Variants in PACRGL observed in about 807,000 individuals in gnomAD.
PACRGL encodes parkin coregulated like.
A neutral mutation model predicts 34.5 loss-of-function variants in PACRGL; 38 were observed. The ratio of observed to expected loss-of-function variants is 1.10; its 90% confidence interval spans 0.85 to 1.44. PACRGL has a LOEUF of 1.44. Among genes scored for constraint, PACRGL ranks in the 40% most tolerant of loss-of-function variants. The pLI is 0.00. For missense variants in PACRGL, 305 were observed against 281.4 expected, an observed-to-expected ratio of 1.08 and a Z score of -0.60; for synonymous variants, 128 against 100.1, an observed-to-expected ratio of 1.28 and a Z score of -1.66.
At chr4:20,712,726 T>C in intron 5 of PACRGL, 62 bp from the exon 6 acceptor site, 2 of 1,319,526 alleles carry the variant, frequency 1.5e-6, no homozygotes, top group Admixed American at 3.0e-5. Context: ...AAAGACTCAA[T>C]TTTTCTGTTA....
At chr4:20,746,210 A>C (rs1164899912) in intron 8 of PACRGL, among the ~76,000 whole-genome samples, 1 of 152,192 alleles carries the variant, frequency 6.6e-6, no homozygotes, top group Non-Finnish European at 1.5e-5. Context: ...AAAAAGGATG[A>C]GTTCATGTCC....
Position 20,728,105 on chromosome 4 carries a change from T to C in PACRGL, c.*764T>C, listed in dbSNP as rs1455424144. 1 of 152,196 alleles carries C rather than the reference T, an allele frequency of 6.6e-6. No individual in the cohort carries two copies. Among genetic ancestry groups the C allele is most frequent in the African/African-American group, 2.4e-5 (1 of 41,446 alleles). The allele number at this position is 152,196 out of a possible 1,614,324, so 9.4% of individuals were successfully genotyped here. The stretch of plus-strand genomic sequence containing the variant: ...CCTGGCCCCATGAATACACTACTAA[T>C]ATTATTTGTAAATATGTATTTTATA... On this transcript the variant is annotated 3_prime_UTR_variant, in exon 9 of 9. Transcript: ENST00000503585.
At chr4:20,711,601 T>C (rs372688007) in intron 5 of PACRGL, among the ~76,000 whole-genome samples, 1 of 144,578 alleles carries the variant, frequency 6.9e-6, no homozygotes, top group Non-Finnish European at 1.6e-5. Flanking sequence ...TATTTGAAAA[T>C]TGGTTTTTCT....
chr4:20,747,129 T>C (rs1297885743), intron 8 of PACRGL, among the ~76,000 whole-genome samples: 1 of 152,218 alleles, frequency 6.6e-6, no homozygotes, highest in African/African-American at 2.4e-5. Context: ...CAACGTTCAT[T>C]GCAATTACTG....
chr4:20,729,460 CTGATAAT>C lies in PACRGL; in HGVS notation c.*2120_*2126del, dbSNP rs1160477397. The C allele has an allele frequency of 2.4e-5, 3 of 123,440 alleles. No individual in the cohort carries two copies. The highest frequency in any genetic ancestry group is 8.7e-5 in the African/African-American group (3 of 34,440). 7.6% of individuals were successfully genotyped at this position (123,440 alleles called of 1,614,324 possible). A position where few individuals can be genotyped will look rare whatever the true frequency, so the allele number is the denominator to read the frequency against. On this transcript the variant is annotated 3_prime_UTR_variant, in exon 9 of 9. Coordinates refer to ENST00000503585, the MANE Select transcript of PACRGL (RefSeq NM_001258345.3). ...AGTTTTATTAGGCATATGCTGATATCTGATAATAAACTAATTTTTAAATGTTTAATAA... is the reference window on the plus strand; with the variant it reads ...AGTTTTATTAGGCATATGCTGATATCAAACTAATTTTTAAATGTTTAATAA...
chr4:20,704,579 G>T (rs1314919691), intron 2 of PACRGL, 46 bp downstream of exon 2: 1 of 1,612,982 alleles, frequency 6.2e-7, no homozygotes, highest in East Asian at 2.2e-5. Context: ...TTTGTTCATG[G>T]CACTTTCTGT....
the PACRGL span, among the ~76,000 whole-genome samples, chr4:20,759,706 G>A: frequency 6.6e-6 from 1 of 152,128 alleles, no homozygotes; most frequent in Non-Finnish European, 1.5e-5. Context: ...CAGAATATAA[G>A]GTTTGAGCAA....
downstream of PACRGL, among the ~76,000 whole-genome samples, chr4:20,755,263 T>G (rs1397508168): frequency 6.6e-6 from 1 of 152,196 alleles, no homozygotes; most frequent in East Asian, 1.9e-4. Flanking sequence ...AAATTTGTTT[T>G]GACATGTTAG....
chr4:20,697,673 A>G (rs991630993), upstream of PACRGL, among the ~76,000 whole-genome samples: 4 of 152,148 alleles, frequency 2.6e-5, no homozygotes, highest in Admixed American at 6.5e-5. Flanking sequence ...TACATTGAGT[A>G]GCTTATAAAC....
At chr4:20,759,490 TG>T in the PACRGL span, among the ~76,000 whole-genome samples, 1 of 152,154 alleles carries the variant, frequency 6.6e-6, no homozygotes, top group Non-Finnish European at 1.5e-5. Context: ...TGGCCTGGCC[TG>T]GGCTTAATAG....
In PACRGL at chr4:20,731,812, A is replaced by C. The variant is rs1390102568; in HGVS notation, c.*4471A>C. The C allele has an allele frequency of 2.0e-6, 2 of 985,390 alleles. No individual in the cohort carries two copies. The highest frequency in any genetic ancestry group is 2.4e-6 in the Non-Finnish European group (2 of 829,926). The allele number at this position is 985,390 out of a possible 1,614,324, so 61.0% of individuals were successfully genotyped here. On this transcript the variant is annotated 3_prime_UTR_variant, in exon 9 of 9. Coordinates refer to ENST00000503585, the MANE Select transcript of PACRGL (RefSeq NM_001258345.3). ...CAGGGTTTCCTCCATAGCCTGACTC[A>C]GTGGGCACTCTAAATGTTGATTATG...
chr4:20,734,776 A>AC (rs1280159196), downstream of PACRGL: 10 of 1,236,334 alleles, frequency 8.1e-6, no homozygotes, highest in Non-Finnish European at 1.1e-5. Flanking sequence ...GACATTTTTA[A>AC]AAAAACAAAA....
At chr4:20,748,566 A>G (rs1231359821) in intron 8 of PACRGL, among the ~76,000 whole-genome samples, 17 of 7,530 alleles carry the variant, frequency 2.3e-3, no homozygotes, top group Non-Finnish European at 1.7e-3. Context: ...AATTTTATAT[A>G]TATATATATA....
At chr4:20,715,425 AT>A (rs564020251) in intron 7 of PACRGL, among the ~76,000 whole-genome samples, 113 of 152,214 alleles carry the variant, frequency 7.4e-4, no homozygotes, top group African/African-American at 2.6e-3. Flanking sequence ...AAGTATAATA[AT>A]AATAAAATAA....
the PACRGL span, among the ~76,000 whole-genome samples, chr4:20,762,644 CAT>C: frequency 6.6e-6 from 1 of 152,202 alleles, no homozygotes. Context: ...AAGTGTAAAA[CAT>C]AAACAATGTG....
downstream of PACRGL, among the ~76,000 whole-genome samples, chr4:20,753,370 A>G (rs1156896474): frequency 3.3e-5 from 5 of 152,162 alleles, no homozygotes; most frequent in Non-Finnish European, 5.9e-5. Context: ...GGCTAAGAAA[A>G]GTAAACTACT....
chr4:20,717,537 C>T (rs1348322806), intron 7 of PACRGL, among the ~76,000 whole-genome samples: 5 of 152,164 alleles, frequency 3.3e-5, no homozygotes, highest in South Asian at 2.1e-4. Flanking sequence ...GATCCAGTTT[C>T]AGCTTTCTCC....
chr4:20,734,666 G>C (rs746901878), downstream of PACRGL: 1 of 1,597,540 alleles, frequency 6.3e-7, no homozygotes, highest in Admixed American at 1.7e-5. Flanking sequence ...ATGTCATACA[G>C]ATTAAATGCC....
intron 7 of PACRGL, among the ~76,000 whole-genome samples, chr4:20,714,609 A>G (rs1196270477): frequency 1.3e-5 from 2 of 152,086 alleles, no homozygotes; most frequent in Admixed American, 6.6e-5. Flanking sequence ...GGTCTTTACA[A>G]TTTGGCATGA....
Sources: allele counts gnomAD v4.1 joint callset (sites outside exome capture counted in the v4.1 genomes callset), GRCh38; gene constraint gnomAD v4.1.1; transcripts MANE v1.5; gene names NCBI Gene and HGNC (gene_info 2026-07-23, HGNC 2026-07-21).